CCNB3: variants seen among roughly 807,000 people sequenced by gnomAD.
CCNB3 encodes cyclin B3, also known as G2/mitotic-specific cyclin-B3.
Under a neutral mutation model 68.0 loss-of-function variants are expected in CCNB3, and 12 were observed. The ratio of observed to expected loss-of-function variants is 0.18; its 90% confidence interval spans 0.11 to 0.29. The LOEUF is 0.29. Ranked by LOEUF, CCNB3 falls within the 10% of genes least tolerant of loss-of-function variation. The pLI, the probability that CCNB3 is intolerant of heterozygous loss-of-function variation, is 1.00. For missense variants in CCNB3, 904 were observed against 993.1 expected, an observed-to-expected ratio of 0.91 and a Z score of 1.21; for synonymous variants, 354 against 388.9, an observed-to-expected ratio of 0.91 and a Z score of 1.06.
chrX:50,304,700 C>T (rs1366870756), intron 5 of CCNB3, among the ~76,000 whole-genome samples: 4 of 111,559 alleles, frequency 3.6e-5, no homozygotes, highest in African/African-American at 6.5e-5. Context: ...AAGAAACTAC[C>T]GTCAGAGTGA....
intron 8 of CCNB3, among the ~76,000 whole-genome samples, chrX:50,325,310 CTT>C (rs1188678988): frequency 2.7e-5 from 3 of 111,443 alleles, no homozygotes; most frequent in Non-Finnish European, 5.7e-5. Context: ...AGGAAAGAGA[CTT>C]TATTCCAGTG....
intron 11 of CCNB3, 142 bp downstream of exon 11, chrX:50,347,917 G>A (rs1923486088): frequency 1.9e-6 from 1 of 516,875 alleles, no homozygotes; most frequent in African/African-American, 2.4e-5. Flanking sequence ...TCTAACACCT[G>A]GACAACTTGG....
chrX:50,299,735 T>C (rs1936578741), intron 5 of CCNB3, among the ~76,000 whole-genome samples: 1 of 110,992 alleles, frequency 9.0e-6, no homozygotes, highest in African/African-American at 3.3e-5. Flanking sequence ...CAGTGGGGTG[T>C]TAAAGTCTCC....
At chrX:50,297,651 T>A (rs1375685451) in intron 5 of CCNB3, among the ~76,000 whole-genome samples, 1 of 112,138 alleles carries the variant, frequency 8.9e-6, no homozygotes, top group East Asian at 2.8e-4. Flanking sequence ...AAGTAGTTTT[T>A]TTCCAATTCT....
At chrX:50,339,437 G>A (rs1923017660) in intron 8 of CCNB3, among the ~76,000 whole-genome samples, 1 of 112,328 alleles carries the variant, frequency 8.9e-6, no homozygotes. Flanking sequence ...TAGAATGAAA[G>A]GCAGACTTGC....
chrX:50,322,347 G>T (rs1922063499), intron 8 of CCNB3, among the ~76,000 whole-genome samples: 1 of 111,113 alleles, frequency 9.0e-6, no homozygotes, highest in Admixed American at 9.6e-5. Context: ...AATAAATGGT[G>T]CTGAGAAAAC....
At chrX:50,213,896 A>G (rs1935521895) in intron 1 of CCNB3, among the ~76,000 whole-genome samples, 1 of 111,691 alleles carries the variant, frequency 9.0e-6, no homozygotes, top group African/African-American at 3.2e-5. Context: ...TATAATTGAT[A>G]TATTAATACA....
chrX:50,203,438 G>A (rs782295031), upstream of CCNB3, among the ~76,000 whole-genome samples: 4 of 112,140 alleles, frequency 3.6e-5, no homozygotes, highest in Non-Finnish European at 7.5e-5. Context: ...TAGAAAATGG[G>A]CAGTGATGCC....
At chrX:50,321,117 G>C (rs1169458281) in intron 8 of CCNB3, among the ~76,000 whole-genome samples, 1 of 111,699 alleles carries the variant, frequency 9.0e-6, no homozygotes, top group African/African-American at 3.2e-5. Flanking sequence ...TAGATCAAAA[G>C]ATGCACATGA....
chrX:50,308,263 A>G (rs1557213806), intron 5 of CCNB3, among the ~76,000 whole-genome samples: 2 of 112,275 alleles, frequency 1.8e-5, no homozygotes, highest in Non-Finnish European at 3.8e-5. Context: ...ATAAGAAAGC[A>G]TAACATGAAT....
intron 5 of CCNB3, among the ~76,000 whole-genome samples, chrX:50,296,981 C>T (rs1439512360): frequency 5.4e-5 from 6 of 110,330 alleles, no homozygotes; most frequent in Non-Finnish European, 9.5e-5. Flanking sequence ...GGGTTGTTTG[C>T]TTTTTTCTTG....
Position 50,309,945 on chromosome X carries a change from A to G in CCNB3, c.1776A>G (p.Lys592=). ...TKTSLSLQEK[K]ITQGKMSHLK... ...CATCGTTGTCTTTACAGGAAAAGAA[A>G]ATTACTCAGGGGAAGATGTCCCACT... Residue 592 remains lysine, a synonymous_variant, in exon 6 of 13, where the codon AAA becomes AAG. Coordinates refer to ENST00000376042, the MANE Select transcript of CCNB3 (RefSeq NM_033031.3). 8.3e-7 allele frequency: 1 copy of G among 1,209,994 alleles called. No individual in the cohort carries two copies. Among genetic ancestry groups the G allele is most frequent in the Non-Finnish European group, 1.1e-6 (1 of 894,347 alleles).
At chrX:50,330,880 G>A (rs1728555944) in intron 8 of CCNB3, among the ~76,000 whole-genome samples, 1 of 112,179 alleles carries the variant, frequency 8.9e-6, no homozygotes, top group African/African-American at 3.2e-5. Context: ...AAGTAGTTGA[G>A]AGCCAATCTC....
At chrX:50,342,127 G>C (rs1923174189) in intron 8 of CCNB3, 75 bp from the exon 9 acceptor site, 1 of 1,135,848 alleles carries the variant, frequency 8.8e-7, no homozygotes, top group Non-Finnish European at 1.2e-6. Flanking sequence ...AGATACTCCA[G>C]GTAGCTAGAT....
intron 8 of CCNB3, among the ~76,000 whole-genome samples, chrX:50,320,971 C>T (rs1185927824): frequency 9.0e-6 from 1 of 111,406 alleles, no homozygotes; most frequent in African/African-American, 3.3e-5. Context: ...TCATACCCAT[C>T]CTGCTATTAA....
In CCNB3 at chrX:50,321,213, T is replaced by C. The variant is rs188418560; in HGVS notation, c.3516+7265T>C. Among the ~76,000 whole-genome samples the C allele has an allele frequency of 3.9e-3, 434 of 111,847 alleles. 4 individuals carry two copies. Among genetic ancestry groups the C allele is most frequent in the African/African-American group, 0.013 (414 of 30,944 alleles). On this transcript the variant is annotated intron_variant, in intron 8 of 12. Transcript: ENST00000376042. ...CCATTACTGAATGAAAATGCTTATT[T>C]TCCCATAATCTTATCAACAAAAGAA...
At chrX:50,228,290 T>A (rs1935961548) in intron 1 of CCNB3, among the ~76,000 whole-genome samples, 1 of 86,972 alleles carries the variant, frequency 1.1e-5, no homozygotes. Context: ...AGAATATATA[T>A]AAATACATAT....
chrX:50,340,428 T>C (rs1923064689), intron 8 of CCNB3, among the ~76,000 whole-genome samples: 1 of 112,417 alleles, frequency 8.9e-6, no homozygotes, highest in Non-Finnish European at 1.9e-5. Flanking sequence ...CAGATTTTAT[T>C]CTCGAATCCT....
At chrX:50,297,433 T>G (rs1936499214) in intron 5 of CCNB3, among the ~76,000 whole-genome samples, 1 of 111,630 alleles carries the variant, frequency 9.0e-6, no homozygotes, top group Non-Finnish European at 1.9e-5. Context: ...AAAGATCAGA[T>G]AGTTGTTGAT....
Sources: gnomAD v4.1 joint callset for allele counts (sites outside exome capture counted in the v4.1 genomes callset) on GRCh38, gnomAD v4.1.1 for gene constraint, MANE v1.5 for transcripts, NCBI Gene and HGNC (gene_info 2026-07-23, HGNC 2026-07-21) for gene names.